CHCHD3: variants seen among roughly 807,000 people sequenced by gnomAD.
CHCHD3 encodes the protein MICOS complex subunit MIC19.
Under a neutral mutation model 38.2 loss-of-function variants are expected in CHCHD3, and 20 were observed. The observed-to-expected ratio is 0.52, with a 90% CI of 0.37 to 0.76. The LOEUF (loss-of-function observed/expected upper bound fraction) is 0.76, where lower values mean the gene tolerates loss of function less well. CHCHD3 is among the 30% of genes least tolerant of loss of function. The probability of loss-of-function intolerance (pLI) is 0.00; values close to 1 mark genes in which losing one functional copy is unlikely to be tolerated. For missense variants in CHCHD3, 245 were observed against 279.2 expected (o/e 0.88, Z 0.87); for synonymous variants, 82 against 100.0 (o/e 0.82, Z 1.07).
intron 5 of CHCHD3, among the ~76,000 whole-genome samples, chr7:132,849,908 T>C (rs1212120271): frequency 6.6e-6 from 1 of 152,168 alleles, no homozygotes; most frequent in Admixed American, 6.5e-5. Context: ...GGGGCTCTGA[T>C]GACACTGAAG....
At chr7:132,813,695 C>T (rs781018687) in intron 6 of CHCHD3, 2 of 152,130 alleles carry the variant, frequency 1.3e-5, no homozygotes, top group Non-Finnish European at 2.9e-5. Flanking sequence ...TTTCAAACAG[C>T]CAACTTAAAA....
At chr7:132,885,789 C>T in intron 4 of CHCHD3, 44 bp from the exon 5 acceptor site, 1 of 1,400,362 alleles carries the variant, frequency 7.1e-7, no homozygotes, top group East Asian at 2.4e-5. Context: ...GAAAAAGCAG[C>T]AACAGCAAAG....
intron 4 of CHCHD3, among the ~76,000 whole-genome samples, chr7:132,912,931 A>G (rs528211142): frequency 6.6e-6 from 1 of 152,168 alleles, no homozygotes; most frequent in East Asian, 1.9e-4. Context: ...AAGTGCTTAA[A>G]TTTTCTATAT....
chr7:132,846,833 A>G (rs560789692), intron 5 of CHCHD3, among the ~76,000 whole-genome samples: 78 of 152,366 alleles, frequency 5.1e-4, no homozygotes, highest in Middle Eastern at 3.4e-3. Context: ...TCTACTACAA[A>G]TTGACAAACA....
intron 6 of CHCHD3, among the ~76,000 whole-genome samples, chr7:132,820,617 T>TG (rs1204520188): frequency 2.0e-5 from 3 of 149,600 alleles, no homozygotes; most frequent in Non-Finnish European, 4.5e-5. Flanking sequence ...TAGTGTTTTT[T>TG]TTTTTTTTTT....
At chr7:132,912,084 A>G (rs1809966312) in intron 4 of CHCHD3, among the ~76,000 whole-genome samples, 1 of 152,150 alleles carries the variant, frequency 6.6e-6, no homozygotes, top group Non-Finnish European at 1.5e-5. Context: ...TACTCACAAT[A>G]TCCTATCCAT....
chr7:132,993,181 C>G (rs1338944553), intron 3 of CHCHD3, among the ~76,000 whole-genome samples: 1 of 152,184 alleles, frequency 6.6e-6, no homozygotes, highest in African/African-American at 2.4e-5. Context: ...CATGTTTTCT[C>G]ATCAGTGCCT....
chr7:132,864,009 C>T (rs1169695417), intron 5 of CHCHD3, among the ~76,000 whole-genome samples: 1 of 152,236 alleles, frequency 6.6e-6, no homozygotes, highest in Non-Finnish European at 1.5e-5. Context: ...GTTTCACTTT[C>T]TTATCATTGA....
At chr7:132,896,719 A>C (rs1226825180) in intron 4 of CHCHD3, among the ~76,000 whole-genome samples, 1 of 152,238 alleles carries the variant, frequency 6.6e-6, no homozygotes, top group Non-Finnish European at 1.5e-5. Flanking sequence ...AAGTGAATAT[A>C]AACAGCTAAC....
chr7:132,961,406 T>C (rs1328898112), intron 4 of CHCHD3, among the ~76,000 whole-genome samples: 2 of 152,210 alleles, frequency 1.3e-5, no homozygotes, highest in Admixed American at 1.3e-4. Context: ...TACAAAAATT[T>C]GGGTCACTTA....
At chr7:132,821,427 C>T (rs1439880453) in intron 6 of CHCHD3, among the ~76,000 whole-genome samples, 2 of 152,110 alleles carry the variant, frequency 1.3e-5, no homozygotes, top group Non-Finnish European at 2.9e-5. Context: ...ATTCAGTAAA[C>T]ATTTTAACAT....
At chr7:132,913,119 G>T (rs1420953827) in intron 4 of CHCHD3, among the ~76,000 whole-genome samples, 1 of 152,054 alleles carries the variant, frequency 6.6e-6, no homozygotes, top group South Asian at 2.1e-4. Context: ...GCTGAAGGAG[G>T]CCAGAGAAAA....
At position 133,017,198 on chromosome 7, in the gene CHCHD3, T is replaced by C. The variant is rs1053414479; in HGVS notation, c.251+7348A>G. Among the ~76,000 whole-genome samples, 28 of 152,206 alleles carry C rather than the reference T, an allele frequency of 1.8e-4. 1 individual carries two copies. Among genetic ancestry groups the C allele is most frequent in the African/African-American group, 2.4e-5 (1 of 41,450 alleles). ...TAAATCAGCTTTACTTTGGGTTCCA[T>C]GTTGCACTCCCTTTGAAAAATGTTT... On this transcript the variant is annotated intron_variant, in intron 3 of 7. Coordinates refer to ENST00000262570, the MANE Select transcript of CHCHD3 (RefSeq NM_017812.4).
chr7:132,941,849 T>C (rs1810773595), intron 4 of CHCHD3, among the ~76,000 whole-genome samples: 1 of 152,200 alleles, frequency 6.6e-6, no homozygotes, highest in Non-Finnish European at 1.5e-5. Flanking sequence ...CTGCCAGTCC[T>C]GATTAACATT....
intron 4 of CHCHD3, among the ~76,000 whole-genome samples, chr7:132,908,545 G>A (rs1163129805): frequency 6.6e-6 from 1 of 152,048 alleles, no homozygotes. Flanking sequence ...TGGTTTTTAA[G>A]GCATGGTCTA....
intron 6 of CHCHD3, among the ~76,000 whole-genome samples, chr7:132,803,900 C>T (rs914203917): frequency 1.3e-5 from 2 of 149,730 alleles, no homozygotes; most frequent in East Asian, 2.0e-4. Flanking sequence ...CTGGGAATGA[C>T]GAGGGAGAGA....
chr7:132,850,450 G>GTTTTTTTTTTT (rs75016148), intron 5 of CHCHD3, among the ~76,000 whole-genome samples: 1 of 132,970 alleles, frequency 7.5e-6, no homozygotes, highest in Non-Finnish European at 1.6e-5. Context: ...TTTTTTTTTT[G>GTTTTTTTTTTT]TTTTTTTTTT....
chr7:133,040,148 A>C (rs1562945962), intron 2 of CHCHD3, among the ~76,000 whole-genome samples: 1 of 152,176 alleles, frequency 6.6e-6, no homozygotes, highest in Non-Finnish European at 1.5e-5. Context: ...AAACATGCAG[A>C]CTTAGAAAGA....
At chr7:132,808,011 C>T (rs142156184) in intron 6 of CHCHD3, among the ~76,000 whole-genome samples, 1 of 152,122 alleles carries the variant, frequency 6.6e-6, no homozygotes, top group Non-Finnish European at 1.5e-5. Flanking sequence ...TGATTGAAAA[C>T]TTAAAGACGA....
Sources: allele counts gnomAD v4.1 joint callset (sites outside exome capture counted in the v4.1 genomes callset), GRCh38; gene constraint gnomAD v4.1.1; transcripts MANE v1.5; gene names NCBI Gene and HGNC (gene_info 2026-07-23, HGNC 2026-07-21).